Variants in PRKAG2 observed in about 807,000 individuals in gnomAD.
PRKAG2 encodes protein kinase AMP-activated non-catalytic subunit gamma 2, also known as 5'-AMP-activated protein kinase subunit gamma-2.
PRKAG2 carries 26 observed loss-of-function variants against 69.6 expected under a neutral mutation model. The ratio of observed to expected loss-of-function variants is 0.37; its 90% CI spans 0.27 to 0.52. PRKAG2 has a LOEUF of 0.52. Ranked by LOEUF, PRKAG2 falls within the 20% of genes least tolerant of loss-of-function variation. The pLI is 0.90. For missense variants in PRKAG2, 557 were observed against 740.0 expected, an observed-to-expected ratio of 0.75 and a Z score of 2.87; for synonymous variants, 293 against 285.0, an observed-to-expected ratio of 1.03 and a Z score of -0.28.
chr7:151,569,479 G>T (rs557208143), intron 10 of PRKAG2, among the ~76,000 whole-genome samples: 2 of 152,368 alleles, frequency 1.3e-5, no homozygotes, highest in African/African-American at 4.8e-5. Flanking sequence ...TGGTGAGTGG[G>T]CAAACTGGCT....
At chr7:151,856,631 T>G (rs2079782896) in intron 1 of PRKAG2, among the ~76,000 whole-genome samples, 1 of 152,156 alleles carries the variant, frequency 6.6e-6, no homozygotes, top group Non-Finnish European at 1.5e-5. Flanking sequence ...GCTGATGAGT[T>G]AAATGGCAAA....
At chr7:151,783,873 G>A (rs1282458160) in intron 2 of PRKAG2, among the ~76,000 whole-genome samples, 1 of 125,612 alleles carries the variant, frequency 8.0e-6, no homozygotes, top group Non-Finnish European at 1.6e-5. Flanking sequence ...TGACACTACT[G>A]TACTCCAGCC....
chr7:151,722,681 T>C (rs2151646267), intron 3 of PRKAG2, among the ~76,000 whole-genome samples: 1 of 152,232 alleles, frequency 6.6e-6, no homozygotes, highest in South Asian at 2.1e-4. Flanking sequence ...GCGAGGTTCG[T>C]GTGCAAGGGA....
rs1289123948 is a variant in PRKAG2 at position 151,568,698 on chromosome 7, A to G, written c.1233+18T>C. 6.2e-7 allele frequency: 1 copy of G among 1,612,706 alleles called. No homozygotes were observed. The highest frequency in any genetic ancestry group is 1.7e-5 in the Admixed American group (1 of 60,020). Reference sequence around the variant, plus strand: ...AGTAAATGCAATTATGTCTTTAGAAACGCTAAAAACTACTTACAAAAAGCT... The same window carrying G: ...AGTAAATGCAATTATGTCTTTAGAAGCGCTAAAAACTACTTACAAAAAGCT... On this transcript the variant is annotated intron_variant, in intron 11 of 15. Transcript: ENST00000287878.
At chr7:151,831,287 A>G (rs1428853053) in intron 1 of PRKAG2, among the ~76,000 whole-genome samples, 1 of 152,198 alleles carries the variant, frequency 6.6e-6, no homozygotes, top group African/African-American at 2.4e-5. Context: ...TTTGTACACA[A>G]ATGTTTATAG....
At position 151,786,810 on chromosome 7, in the gene PRKAG2, C is replaced by G. The variant is rs11763144; in HGVS notation, c.115-269G>C. Among the ~76,000 whole-genome samples the G allele has an allele frequency of 0.7, 106,633 of 152,106 alleles. 42,571 individuals are homozygous for G. Among genetic ancestry groups the G allele is most frequent in the East Asian group, 0.97 (5,031 of 5,172 alleles). On this transcript the variant is annotated intron_variant, in intron 1 of 15. Transcript: ENST00000287878. ...AGGAGGAAAGAAGAAATGGCTGGGA[C>G]TAAAGGAGTCAGGAAGGCAGGCAGA...
At chr7:151,802,472 A>G (rs2077889361) in intron 1 of PRKAG2, among the ~76,000 whole-genome samples, 1 of 152,174 alleles carries the variant, frequency 6.6e-6, no homozygotes. Flanking sequence ...AGGTCCGTGA[A>G]GAAGAAAGGG....
intron 1 of PRKAG2, among the ~76,000 whole-genome samples, chr7:151,844,085 C>T (rs569619456): frequency 3.3e-5 from 5 of 152,348 alleles, no homozygotes; most frequent in African/African-American, 1.2e-4. Flanking sequence ...AGGCATGAGT[C>T]AGTTTCCTCC....
At chr7:151,689,985 G>A (rs567025673) in intron 3 of PRKAG2, among the ~76,000 whole-genome samples, 1 of 152,192 alleles carries the variant, frequency 6.6e-6, no homozygotes, top group East Asian at 1.9e-4. Flanking sequence ...GGAGGAGGAA[G>A]AGAAGAGGAA....
chr7:151,639,297 C>T (rs916183033), intron 4 of PRKAG2, among the ~76,000 whole-genome samples: 6 of 152,152 alleles, frequency 3.9e-5, no homozygotes, highest in African/African-American at 1.2e-4. Context: ...GTTGGCCAGC[C>T]GGGCAGCTTG....
intron 3 of PRKAG2, among the ~76,000 whole-genome samples, chr7:151,698,463 A>C (rs964868406): frequency 2.2e-4 from 34 of 152,048 alleles, no homozygotes; most frequent in African/African-American, 8.0e-4. Context: ...AGTCTGGGTC[A>C]TGGGGGCGAA....
intron 3 of PRKAG2, among the ~76,000 whole-genome samples, chr7:151,676,837 A>T (rs1833016823): frequency 6.6e-6 from 1 of 152,130 alleles, no homozygotes; most frequent in Admixed American, 6.5e-5. Context: ...TGTCCTTATA[A>T]GAAGAGGAAA....
chr7:151,742,947 C>A (rs1665031156), intron 3 of PRKAG2, among the ~76,000 whole-genome samples: 1 of 152,200 alleles, frequency 6.6e-6, no homozygotes, highest in African/African-American at 2.4e-5. Flanking sequence ...GGCGCCTTCC[C>A]ATTGCAGGGC....
At chr7:151,858,934 G>T (rs549577764) in intron 1 of PRKAG2, among the ~76,000 whole-genome samples, 2 of 152,278 alleles carry the variant, frequency 1.3e-5, no homozygotes, top group South Asian at 2.1e-4. Context: ...CCCCTAGGAG[G>T]CCCCTCTTCC....
chr7:151,736,025 T>C lies in PRKAG2; in HGVS notation c.466+45127A>G, dbSNP rs958818447. Reference sequence around the variant, plus strand: ...CTGTGGCCACAGGAGTGGCGACAGGTGAACATATCAGGACCCACAGAACCG... The same window carrying C: ...CTGTGGCCACAGGAGTGGCGACAGGCGAACATATCAGGACCCACAGAACCG... On this transcript the variant is annotated intron_variant, in intron 3 of 15. Coordinates refer to ENST00000287878, the MANE Select transcript of PRKAG2 (RefSeq NM_016203.4). 7 of 1,535,880 alleles carry C rather than the reference T, an allele frequency of 4.6e-6. No homozygotes were observed. The Admixed American group carries it at 1.2e-4, about 26-fold the overall frequency.
At chr7:151,681,714 G>A (rs986203688) in intron 3 of PRKAG2, among the ~76,000 whole-genome samples, 5 of 152,182 alleles carry the variant, frequency 3.3e-5, no homozygotes, top group Admixed American at 6.5e-5. Context: ...GTCCTTTAGC[G>A]AATAAATGGC....
At chr7:151,822,033 G>A (rs1219162471) in intron 1 of PRKAG2, among the ~76,000 whole-genome samples, 2 of 152,328 alleles carry the variant, frequency 1.3e-5, no homozygotes, top group East Asian at 3.9e-4. Context: ...TTCCAGTGCC[G>A]CGTGACTCAG....
intron 1 of PRKAG2, among the ~76,000 whole-genome samples, chr7:151,821,065 G>GACCTCAGTCCC (rs2078767437): frequency 1.1e-4 from 5 of 47,516 alleles, no homozygotes; most frequent in African/African-American, 2.5e-4. Flanking sequence ...TGTGGAGACA[G>GACCTCAGTCCC]GGAACAAGCA....
At chr7:151,800,513 C>T (rs1019111576) in intron 1 of PRKAG2, among the ~76,000 whole-genome samples, 18 of 152,286 alleles carry the variant, frequency 1.2e-4, no homozygotes, top group African/African-American at 4.3e-4. Context: ...ACCGCAATGA[C>T]ACTCCTCCTT....
Sources: gnomAD v4.1 joint callset for allele counts (sites outside exome capture counted in the v4.1 genomes callset) on GRCh38, gnomAD v4.1.1 for gene constraint, MANE v1.5 for transcripts, NCBI Gene and HGNC (gene_info 2026-07-23, HGNC 2026-07-21) for gene names.